HACL1: variants seen among roughly 807,000 people sequenced by gnomAD.
HACL1 encodes the protein 2-hydroxyacyl-CoA lyase 1.
Under a neutral mutation model 74.2 loss-of-function variants are expected in HACL1, and 64 were observed. That is an observed-to-expected ratio of 0.86 (90% CI 0.70 to 1.06). The LOEUF is 1.06. Among genes scored for constraint, HACL1 ranks in the 50% least tolerant of loss-of-function variants. The pLI, the probability that HACL1 is intolerant of heterozygous loss-of-function variation, is 0.00. For missense variants in HACL1, 728 were observed against 719.7 expected, an observed-to-expected ratio of 1.01 and a Z score of -0.13; for synonymous variants, 230 against 238.8, an observed-to-expected ratio of 0.96 and a Z score of 0.34.
At chr3:15,575,689 G>A (rs923299486) in intron 9 of HACL1, among the ~76,000 whole-genome samples, 5 of 152,070 alleles carry the variant, frequency 3.3e-5, no homozygotes, top group South Asian at 2.1e-4. Context: ...CTACAGGCAC[G>A]TGCCACTGCA....
At chr3:15,572,648 G>A (rs557076739) in intron 11 of HACL1, among the ~76,000 whole-genome samples, 8 of 152,340 alleles carry the variant, frequency 5.3e-5, no homozygotes, top group African/African-American at 1.7e-4. Context: ...CCAAAATCAA[G>A]TGATAAATGT....
chr3:15,593,221 A>G (rs991732329), intron 3 of HACL1, among the ~76,000 whole-genome samples: 1 of 128,052 alleles, frequency 7.8e-6, no homozygotes, highest in Non-Finnish European at 1.5e-5. Context: ...ATATATACAC[A>G]CTTTTTTTTT....
intron 12 of HACL1, among the ~76,000 whole-genome samples, chr3:15,568,863 T>C (rs567135290): frequency 2.6e-5 from 4 of 152,264 alleles, no homozygotes; most frequent in Middle Eastern, 3.4e-3. Flanking sequence ...ATTAAAGACA[T>C]TGAGAAGTCC....
In HACL1 at chr3:15,591,650, T is replaced by G; in HGVS notation, c.258A>C (p.Pro86=). Residue 86 remains proline, a synonymous_variant, in exon 4 of 17, where the codon CCA becomes CCC. Transcript: ENST00000321169. The part of the protein sequence containing the change: ...RPGVCLVVSG[P]GLIHALGGMA... ...TACCGCCCAAGGCATGGATGAGACC[T>G]GGGCCAGAAACAACAAGGCAGACTC... 6.2e-7 allele frequency: 1 copy of G among 1,612,286 alleles called. No homozygotes were observed. The highest frequency in any genetic ancestry group is 8.5e-7 in the Non-Finnish European group (1 of 1,178,534).
rs757880530 is a variant in HACL1 at position 15,585,309 on chromosome 3, C to T, written c.493G>A (p.Ala165Thr). 1.2e-6 allele frequency: 2 copies of T among 1,605,510 alleles called. No individual in the cohort carries two copies. The highest frequency in any genetic ancestry group is 8.5e-7 in the Non-Finnish European group (1 of 1,172,324). Residue 165 changes from alanine to threonine, a missense_variant, in exon 7 of 17, where the codon GCT (alanine) becomes ACT (threonine). Transcript: ENST00000321169. ...TCTGCTGGTATGTCAACATAGCAAG[C>T]ACCTGGACGACCATAGATACTGCTT... ...VRSSIYGRPG[A>T]CYVDIPADFV...
intron 5 of HACL1, 35 bp from the exon 6 acceptor site, chr3:15,586,637 T>G: frequency 8.4e-7 from 1 of 1,196,334 alleles, no homozygotes. Context: ...AAAATTCAGC[T>G]CACAATCATG....
intron 3 of HACL1, among the ~76,000 whole-genome samples, chr3:15,592,070 A>ACAC (rs1559560711): frequency 1.3e-3 from 9 of 6,700 alleles, no homozygotes; most frequent in Admixed American, 3.9e-3. Flanking sequence ...ATATACGTAT[A>ACAC]TACGTATACG....
intron 4 of HACL1, among the ~76,000 whole-genome samples, chr3:15,591,074 G>A (rs540223662): frequency 3.3e-5 from 5 of 152,118 alleles, no homozygotes; most frequent in South Asian, 2.1e-4. Flanking sequence ...GAGAGACTCC[G>A]TCTCAAAAAA....
intron 15 of HACL1, among the ~76,000 whole-genome samples, chr3:15,564,024 A>C (rs1358394767): frequency 6.6e-6 from 1 of 152,180 alleles, no homozygotes; most frequent in Non-Finnish European, 1.5e-5. Context: ...ACAACAAATA[A>C]AGTTAGTGAG....
intron 10 of HACL1, among the ~76,000 whole-genome samples, chr3:15,574,250 C>A (rs1574918004): frequency 6.6e-6 from 1 of 152,168 alleles, no homozygotes; most frequent in East Asian, 1.9e-4. Flanking sequence ...CGTCTATAGT[C>A]CCAGCATGTC....
intron 2 of HACL1, among the ~76,000 whole-genome samples, chr3:15,598,021 G>GTT (rs942525006): frequency 2.9e-5 from 4 of 140,350 alleles, no homozygotes; most frequent in South Asian, 4.5e-4. Context: ...GTTTTGTTTT[G>GTT]TTTTTTTTTT....
chr3:15,592,073 C>CACACACT (rs1559560721), intron 3 of HACL1, among the ~76,000 whole-genome samples: 379 of 13,634 alleles, frequency 0.028, 13 homozygotes, highest in Middle Eastern at 0.083. Flanking sequence ...TACGTATATA[C>CACACACT]GTATACGTAT....
At chr3:15,568,729 C>G in intron 12 of HACL1, 143 bp from the exon 13 acceptor site, 1 of 596,832 alleles carries the variant, frequency 1.7e-6, no homozygotes, top group Non-Finnish European at 3.0e-6. Context: ...AATGGCCACT[C>G]TGAGAAGTTG....
At chr3:15,593,504 C>A (rs1262288995) in intron 3 of HACL1, among the ~76,000 whole-genome samples, 1 of 152,040 alleles carries the variant, frequency 6.6e-6, no homozygotes, top group Non-Finnish European at 1.5e-5. Flanking sequence ...CAGGCATAAG[C>A]CAGCATGCCT....
At chr3:15,574,870 AAC>A in intron 10 of HACL1, 105 bp downstream of exon 10, 1 of 521,448 alleles carries the variant, frequency 1.9e-6, no homozygotes, top group Non-Finnish European at 3.5e-6. Context: ...GTAAAAAGAG[AAC>A]AGTTTTTTTA....
intron 15 of HACL1, among the ~76,000 whole-genome samples, chr3:15,564,296 T>G (rs1004027015): frequency 2.0e-5 from 3 of 152,212 alleles, no homozygotes; most frequent in African/African-American, 7.2e-5. Flanking sequence ...ATAAGCCTTT[T>G]CATTAACAAG....
At chr3:15,598,320 CAT>C (rs1276773332) in intron 2 of HACL1, among the ~76,000 whole-genome samples, 2 of 152,160 alleles carry the variant, frequency 1.3e-5, no homozygotes, top group Non-Finnish European at 2.9e-5. Flanking sequence ...CGCGCCTGGC[CAT>C]AACTGGTTTT....
At position 15,600,892 on chromosome 3, in the gene HACL1, A is replaced by C. The variant is rs182835580; in HGVS notation, c.186+198T>G. On this transcript the variant is annotated intron_variant, in intron 2 of 16. Transcript: ENST00000321169. ...TCTGCTACTACCAGCTGTGTCACCAAAGGCAAGTTTTACTTAACCTGTGTC... is the reference window on the plus strand; with the variant it reads ...TCTGCTACTACCAGCTGTGTCACCACAGGCAAGTTTTACTTAACCTGTGTC... 34 of 611,036 alleles carry C rather than the reference A, an allele frequency of 5.6e-5. No homozygotes were observed. In the Admixed American group the frequency reaches 8.2e-4, roughly 15 times the overall value. The allele number at this position is 611,036 out of a possible 1,614,324, so 37.9% of individuals were successfully genotyped here.
At chr3:15,569,208 C>A (rs1480153443) in intron 12 of HACL1, among the ~76,000 whole-genome samples, 2 of 152,136 alleles carry the variant, frequency 1.3e-5, no homozygotes, top group Non-Finnish European at 1.5e-5. Context: ...AGCAACAGTC[C>A]CATCTGGCCC....
Sources: allele counts gnomAD v4.1 joint callset (sites outside exome capture counted in the v4.1 genomes callset), GRCh38; gene constraint gnomAD v4.1.1; transcripts MANE v1.5; gene names NCBI Gene and HGNC (gene_info 2026-07-23, HGNC 2026-07-21).